The following CRTC1 variants were observed in gnomAD, a reference collection of about 807,000 sequenced individuals.
CRTC1 encodes CREB-regulated transcription coactivator 1.
A neutral mutation model predicts 66.1 loss-of-function variants in CRTC1; 18 were observed. The ratio of observed to expected loss-of-function variants is 0.27; its 90% CI spans 0.19 to 0.40. CRTC1 has a LOEUF of 0.40. Ranked by LOEUF, CRTC1 falls within the 10% of genes least tolerant of loss-of-function variation. The probability of loss-of-function intolerance (pLI) is 1.00; values close to 1 mark genes in which losing one functional copy is unlikely to be tolerated. For synonymous variants in CRTC1, 416 were observed against 398.8 expected, an observed-to-expected ratio of 1.04 and a Z score of -0.51; for missense variants, 669 against 887.9, an observed-to-expected ratio of 0.75 and a Z score of 3.13.
chr19:18,720,353 T>C (rs1461538785), intron 1 of CRTC1, among the ~76,000 whole-genome samples: 1 of 151,614 alleles, frequency 6.6e-6, no homozygotes, highest in Non-Finnish European at 1.5e-5. Context: ...CTTTCTTTCT[T>C]TCTTTTTCTT....
At chr19:18,728,300 A>G (rs2053806245) in intron 1 of CRTC1, among the ~76,000 whole-genome samples, 1 of 152,142 alleles carries the variant, frequency 6.6e-6, no homozygotes, top group South Asian at 2.1e-4. Context: ...AGAATTGTAC[A>G]TTAGCCTCAT....
At position 18,747,134 on chromosome 19, in the gene CRTC1, C is replaced by CG; in HGVS notation, c.443+20_443+21insG. The CG allele has an allele frequency of 1.2e-6, 1 of 835,320 alleles. No individual in the cohort carries two copies. Among genetic ancestry groups the CG allele is most frequent in the Non-Finnish European group, 1.9e-6 (1 of 534,148 alleles). 51.7% of individuals were successfully genotyped at this position (835,320 alleles called of 1,614,324 possible). A position where few individuals can be genotyped will look rare whatever the true frequency, so the allele number is the denominator to read the frequency against. On this transcript the variant is annotated intron_variant, in intron 4 of 13. Transcript: ENST00000321949. ...GAGAAGGTCAGTGGCTGGACACCCCCCCCCCGCCCCCTTCTTGTTGGAAAC... is the reference window on the plus strand; with the variant it reads ...GAGAAGGTCAGTGGCTGGACACCCCCGCCCCCGCCCCCTTCTTGTTGGAAAC...
intron 12 of CRTC1, 36 bp from the exon 13 acceptor site, chr19:18,775,605 G>A (rs56033554): frequency 0.073 from 110,138 of 1,514,992 alleles, 4,399 homozygotes; most frequent in Non-Finnish European, 0.084. Flanking sequence ...GCAGGCCCGC[G>A]GTGGCCCTCA....
intron 6 of CRTC1, among the ~76,000 whole-genome samples, chr19:18,758,136 CG>C (rs1202116639): frequency 2.6e-5 from 4 of 151,548 alleles, no homozygotes; most frequent in Admixed American, 2.6e-4. Context: ...CCGAGGTGGG[CG>C]GATCATGAGG....
Position 18,780,249 on chromosome 19 carries a change from G to A in CRTC1, c.*2867G>A, listed in dbSNP as rs1296215363. ...CTCCCCACGCACCCATGTGCTCATG[G>A]CTTCTGCAGACCCTCTGCTGGGTAC... On this transcript the variant is annotated 3_prime_UTR_variant, in exon 14 of 14. Coordinates refer to ENST00000321949, the MANE Select transcript of CRTC1 (RefSeq NM_015321.3). The A allele has an allele frequency of 4.3e-6, 1 of 231,556 alleles. No individual in the cohort carries two copies. The allele number at this position is 231,556 out of a possible 1,614,324, so 14.3% of individuals were successfully genotyped here.
intron 1 of CRTC1, among the ~76,000 whole-genome samples, chr19:18,736,798 C>T (rs6510997): frequency 0.21 from 32,161 of 151,988 alleles, 3,598 homozygotes; most frequent in East Asian, 0.3. Context: ...CACGGCTTTG[C>T]AGGGCCGAGC....
At chr19:18,775,592 T>C (rs1270511020) in intron 12 of CRTC1, 49 bp from the exon 13 acceptor site, 1 of 1,469,590 alleles carries the variant, frequency 6.8e-7, no homozygotes, top group Non-Finnish European at 9.1e-7. Flanking sequence ...GGTGGCCAGC[T>C]GGGCAGGCCC....
intron 1 of CRTC1, among the ~76,000 whole-genome samples, chr19:18,725,531 T>C (rs1441710952): frequency 3.1e-5 from 1 of 31,772 alleles, no homozygotes; most frequent in Non-Finnish European, 5.4e-5. Flanking sequence ...GCCCCTGGGT[T>C]CAGCGTTGGA....
At chr19:18,697,036 G>A (rs2053007204) in intron 1 of CRTC1, among the ~76,000 whole-genome samples, 1 of 152,120 alleles carries the variant, frequency 6.6e-6, no homozygotes, top group Non-Finnish European at 1.5e-5. Flanking sequence ...GGTCCTGCGT[G>A]GCCCCTGGGT....
In CRTC1 at chr19:18,777,652, C is replaced by G. The variant is rs1183987970; in HGVS notation, c.*270C>G. On this transcript the variant is annotated 3_prime_UTR_variant, in exon 14 of 14. Transcript: ENST00000321949. This position sits in a 1 kb window ranked among gnomAD's most constrained non-coding sequence, Gnocchi z 5.5. ...CCCGCCCCTGCAGACCCTCCCTGCA[C>G]TGGCTCCCTCGCCCCCAGCCCCGGG... The G allele has an allele frequency of 4.2e-6, 2 of 473,612 alleles. No individual in the cohort carries two copies. Among genetic ancestry groups the G allele is most frequent in the East Asian group, 8.0e-5 (2 of 25,074 alleles). The allele number at this position is 473,612 out of a possible 1,614,324, so 29.3% of individuals were successfully genotyped here.
In CRTC1 at chr19:18,781,359, C is replaced by T. The variant is rs1043536207; in HGVS notation, c.*3977C>T. On this transcript the variant is annotated 3_prime_UTR_variant, in exon 14 of 14. Coordinates refer to ENST00000321949, the MANE Select transcript of CRTC1 (RefSeq NM_015321.3). Reference sequence around the variant, plus strand: ...ACCCCCATTCACCATGGACCAGGGGCCTCCATTTCCTGGGGGCTCTTGCGG... The same window carrying T: ...ACCCCCATTCACCATGGACCAGGGGTCTCCATTTCCTGGGGGCTCTTGCGG... 10 of 229,230 alleles carry T rather than the reference C, an allele frequency of 4.4e-5. No homozygotes were observed. The highest frequency in any genetic ancestry group is 7.8e-5 in the Non-Finnish European group (9 of 115,636). The allele number at this position is 229,230 out of a possible 1,614,324, so 14.2% of individuals were successfully genotyped here. A position where few individuals can be genotyped will look rare whatever the true frequency, so the allele number is the denominator to read the frequency against.
intron 1 of CRTC1, among the ~76,000 whole-genome samples, chr19:18,711,389 G>A (rs571436866): frequency 2.0e-5 from 3 of 152,270 alleles, no homozygotes; most frequent in Admixed American, 1.3e-4. Flanking sequence ...TGGGCCGGGC[G>A]GGAGCTGGGG....
Position 18,777,230 on chromosome 19 carries a change from G to A in CRTC1, c.1753G>A (p.Gly585Ser), listed in dbSNP as rs752033260. 3 of 1,609,716 alleles carry A rather than the reference G, an allele frequency of 1.9e-6. No homozygotes were observed. The highest frequency in any genetic ancestry group is 1.3e-5 in the African/African-American group (1 of 74,208). Residue 585 changes from glycine to serine, a missense_variant, in exon 14 of 14, where the codon GGC becomes AGC. Around this residue, in one of 8 missense-constraint regions of CRTC1, gnomAD observed 91 missense variants for 99.1 expected, o/e 0.92. Coordinates refer to ENST00000321949, the MANE Select transcript of CRTC1 (RefSeq NM_015321.3). This position sits in a 1 kb window ranked among gnomAD's most constrained non-coding sequence, Gnocchi z 5.5. ...ACTGACCAGCTCTCTGGCCGGGGTC[G>A]GCGACGTCAGCTTCGACTCCGACAG... ...KELTSSLAGV[G>S]DVSFDSDSQF...
At chr19:18,743,567 C>G (rs2054159701) in intron 2 of CRTC1, among the ~76,000 whole-genome samples, 1 of 152,176 alleles carries the variant, frequency 6.6e-6, no homozygotes, top group South Asian at 2.1e-4. Flanking sequence ...GCCGAGGGAG[C>G]TGGCCTATGA....
At chr19:18,755,170 G>A (rs1600952825) in intron 6 of CRTC1, among the ~76,000 whole-genome samples, 2 of 151,574 alleles carry the variant, frequency 1.3e-5, no homozygotes, top group Admixed American at 1.3e-4. Flanking sequence ...TGTATTTTTG[G>A]TAGAAACAGG....
rs1278959033 is a variant in CRTC1, at chr19:18,765,395, CCT to C, written c.887-4_887-3del. 6.2e-7 allele frequency: 1 copy of C among 1,605,994 alleles called. No individual in the cohort carries two copies. Among genetic ancestry groups the C allele is most frequent in the Non-Finnish European group, 8.5e-7 (1 of 1,174,728 alleles). On this transcript the variant is annotated splice_region_variant and splice_polypyrimidine_tract_variant and intron_variant, in intron 8 of 13. Coordinates refer to ENST00000321949, the MANE Select transcript of CRTC1 (RefSeq NM_015321.3). ...CACCTGCTCTCCCTCCCTCCTACTT[CCT>C]CTCTAGGAATGAGCACACCTGGCTC... is the stretch of plus-strand genomic sequence containing the variant.
Position 18,777,431 on chromosome 19 carries a change from C to T in CRTC1, c.*49C>T. On this transcript the variant is annotated 3_prime_UTR_variant, in exon 14 of 14. Coordinates refer to ENST00000321949, the MANE Select transcript of CRTC1 (RefSeq NM_015321.3). This position sits in a 1 kb window ranked among gnomAD's most constrained non-coding sequence, Gnocchi z 5.5. ...CTCAGCCGTCCCGACGGCGCCTCCC[C>T]AGCCCGGGGACGGCCGTGCTCCGTC... 6.5e-7 allele frequency: 1 copy of T among 1,539,846 alleles called. No individual in the cohort carries two copies. The highest frequency in any genetic ancestry group is 2.2e-5 in the East Asian group (1 of 44,510).
At chr19:18,690,474 G>C (rs1234395024) in intron 1 of CRTC1, among the ~76,000 whole-genome samples, 1 of 152,136 alleles carries the variant, frequency 6.6e-6, no homozygotes. Context: ...GGTGGGGCAA[G>C]CTGCCCTCAT....
chr19:18,744,589 G>A (rs558706366), intron 2 of CRTC1, among the ~76,000 whole-genome samples: 2 of 152,160 alleles, frequency 1.3e-5, no homozygotes, highest in Admixed American at 6.5e-5. Flanking sequence ...GCCAGCCCCC[G>A]CTTCATTCTG....
Sources: allele counts gnomAD v4.1 joint callset (sites outside exome capture counted in the v4.1 genomes callset), GRCh38; gene constraint gnomAD v4.1.1; regional missense constraint gnomAD v4.1.1; non-coding constraint Gnocchi (gnomAD v3.1); transcripts MANE v1.5; gene names NCBI Gene and HGNC (gene_info 2026-07-23, HGNC 2026-07-21).